Variants in CCND3 observed in about 807,000 individuals in gnomAD.
CCND3 encodes cyclin D3, also known as G1/S-specific cyclin-D3.
A neutral mutation model predicts 28.7 loss-of-function variants in CCND3; 9 were observed. The ratio of observed to expected loss-of-function variants is 0.31; its 90% CI spans 0.19 to 0.55. The LOEUF is 0.55. Ranked by LOEUF, CCND3 falls within the 20% of genes least tolerant of loss-of-function variation. CCND3 has a pLI of 0.93. For missense variants in CCND3, 315 were observed against 385.8 expected (o/e 0.82, Z 1.54); for synonymous variants, 164 against 163.9 (o/e 1.00, Z 0.00).
At chr6:41,987,162 A>G (rs1174327679) in intron 1 of CCND3, among the ~76,000 whole-genome samples, 1 of 152,004 alleles carries the variant, frequency 6.6e-6, no homozygotes, top group Non-Finnish European at 1.5e-5. Context: ...GAAAATGGCA[A>G]AAACATATTG....
In CCND3 at chr6:42,048,636, C is replaced by T. The variant is rs553528483; in HGVS notation, c.-181G>A. The T allele has an allele frequency of 9.3e-5, 48 of 518,324 alleles. No homozygotes were observed. The highest frequency in any genetic ancestry group is 3.9e-4 in the South Asian group (28 of 71,432). 32.1% of individuals were successfully genotyped at this position (518,324 alleles called of 1,614,324 possible). A position where few individuals can be genotyped will look rare whatever the true frequency, so the allele number is the denominator to read the frequency against. Reference sequence around the variant, plus strand: ...GAGGAGAGGATTGCACCTCTCCCCCCCGGCCGGCATCCGAACAGAGCCAGT... The same window carrying T: ...GAGGAGAGGATTGCACCTCTCCCCCTCGGCCGGCATCCGAACAGAGCCAGT... On this transcript the variant is annotated 5_prime_UTR_variant, in exon 1 of 5. Transcript: ENST00000372988. This position sits in a 1 kb window ranked among gnomAD's most constrained non-coding sequence, Gnocchi z 4.7.
chr6:41,982,208 T>C (rs2127412616), intron 1 of CCND3, among the ~76,000 whole-genome samples: 2 of 151,100 alleles, frequency 1.3e-5, no homozygotes, highest in East Asian at 3.9e-4. Context: ...AGGCTGAGGT[T>C]GCAGTGAGCA....
chr6:41,961,070 C>G (rs1761703172), intron 1 of CCND3, among the ~76,000 whole-genome samples: 1 of 152,182 alleles, frequency 6.6e-6, no homozygotes, highest in African/African-American at 2.4e-5. Flanking sequence ...CAGAAGCAAC[C>G]CTCGTTTCTG....
At chr6:41,989,447 A>T (rs4714529) in intron 1 of CCND3, among the ~76,000 whole-genome samples, 127,524 of 130,918 alleles carry the variant, frequency 0.97, 62,155 homozygotes, top group East Asian at 1. Flanking sequence ...AGAGTGAAAC[A>T]CTGTCTCAAA....
At chr6:42,011,866 C>T (rs1250687906) in intron 1 of CCND3, among the ~76,000 whole-genome samples, 1 of 152,056 alleles carries the variant, frequency 6.6e-6, no homozygotes. Flanking sequence ...AGACTCAGAT[C>T]GAGGAGGAAA....
chr6:42,027,333 G>T (rs886859992), intron 1 of CCND3, among the ~76,000 whole-genome samples: 3 of 151,962 alleles, frequency 2.0e-5, no homozygotes, highest in African/African-American at 4.8e-5. Flanking sequence ...CCAGCTACTC[G>T]GTAGGCTGAG....
intron 1 of CCND3, among the ~76,000 whole-genome samples, chr6:41,997,217 G>A (rs889004448): frequency 6.6e-6 from 1 of 152,178 alleles, no homozygotes; most frequent in African/African-American, 2.4e-5. Flanking sequence ...AAAGGGCAGC[G>A]CATTTTCTCT....
chr6:42,006,180 A>T (rs9367124), intron 1 of CCND3, among the ~76,000 whole-genome samples: 146,643 of 151,322 alleles, frequency 0.97, 71,207 homozygotes, highest in East Asian at 1. Context: ...TAATAATAAT[A>T]ATTATTATTA....
chr6:41,968,663 C>T (rs1761952888), intron 1 of CCND3, among the ~76,000 whole-genome samples: 1 of 152,140 alleles, frequency 6.6e-6, no homozygotes, highest in South Asian at 2.1e-4. Context: ...TAGTATGTTA[C>T]CTTTCTGGAT....
chr6:41,944,500 C>T (rs968159154), upstream of CCND3, among the ~76,000 whole-genome samples: 1 of 151,976 alleles, frequency 6.6e-6, no homozygotes, highest in Non-Finnish European at 1.5e-5. Context: ...CAGCTTACTG[C>T]AACCTCTGCC....
chr6:41,996,560 A>G (rs1762812520), intron 1 of CCND3, among the ~76,000 whole-genome samples: 1 of 151,976 alleles, frequency 6.6e-6, no homozygotes, highest in South Asian at 2.1e-4. Flanking sequence ...GCTCACTTTT[A>G]TCTACAGTCT....
At chr6:41,950,886 T>C (rs1421150806) in intron 1 of CCND3, among the ~76,000 whole-genome samples, 1 of 151,790 alleles carries the variant, frequency 6.6e-6, no homozygotes, top group East Asian at 2.0e-4. Context: ...TTTTTTGTAT[T>C]TTTAGTAGAG....
chr6:42,033,824 C>G (rs917330205), intron 1 of CCND3, among the ~76,000 whole-genome samples: 2 of 148,622 alleles, frequency 1.3e-5, no homozygotes, highest in Non-Finnish European at 3.0e-5. Context: ...GCACTCCAGT[C>G]TGGGCAACAA....
Position 42,025,407 on chromosome 6 carries a change from G to A in CCND3, c.-46+23094C>T, listed in dbSNP as rs185758512. On this transcript the variant is annotated intron_variant, in intron 1 of 4. Coordinates refer to the CCND3 transcript ENST00000372988. ...GGTGCAGTTGGTGAACTAGGGCCAC[G>A]GGTAATGGGAAGAATGGGAAGGAGA... Among the ~76,000 whole-genome samples the A allele has an allele frequency of 7.2e-4, 110 of 152,332 alleles. 2 individuals carry two copies. Among genetic ancestry groups the A allele is most frequent in the Middle Eastern group, 6.8e-3 (2 of 294 alleles).
chr6:42,041,183 G>C (rs905704237), intron 1 of CCND3, among the ~76,000 whole-genome samples: 2 of 152,194 alleles, frequency 1.3e-5, no homozygotes, highest in Non-Finnish European at 2.9e-5. Flanking sequence ...GAAGAAACAG[G>C]GGGGAGGAAA....
intron 1 of CCND3, among the ~76,000 whole-genome samples, chr6:41,996,306 T>G (rs1430032595): frequency 6.6e-6 from 1 of 151,616 alleles, no homozygotes; most frequent in Non-Finnish European, 1.5e-5. Flanking sequence ...CACGCCACCA[T>G]GTCCGGCTAA....
chr6:42,000,815 C>T (rs1762987409), intron 1 of CCND3, among the ~76,000 whole-genome samples: 1 of 151,638 alleles, frequency 6.6e-6, no homozygotes, highest in African/African-American at 2.4e-5. Flanking sequence ...GATCCGCCTG[C>T]CTCGGCCTCC....
At chr6:41,960,174 C>A (rs1382441780) in intron 1 of CCND3, among the ~76,000 whole-genome samples, 1 of 152,078 alleles carries the variant, frequency 6.6e-6, no homozygotes, top group African/African-American at 2.4e-5. Flanking sequence ...TTTGGAACAT[C>A]CAGAACAGGC....
At chr6:41,952,179 A>G (rs182074236) in intron 1 of CCND3, among the ~76,000 whole-genome samples, 1 of 152,354 alleles carries the variant, frequency 6.6e-6, no homozygotes, top group East Asian at 1.9e-4. Context: ...AAAGAGAGAT[A>G]CAAAGGGATT....
Sources: gnomAD v4.1 joint callset for allele counts (sites outside exome capture counted in the v4.1 genomes callset) on GRCh38, gnomAD v4.1.1 for gene constraint, Gnocchi (gnomAD v3.1) non-coding constraint, MANE v1.5 for transcripts, NCBI Gene and HGNC (gene_info 2026-07-23, HGNC 2026-07-21) for gene names.